The following DLGAP2 variants were observed in gnomAD, a reference collection of about 807,000 sequenced individuals.
The protein encoded by DLGAP2 is disks large-associated protein 2.
Under a neutral mutation model 100.3 loss-of-function variants are expected in DLGAP2, and 26 were observed. The observed-to-expected ratio is 0.26, with a 90% CI of 0.19 to 0.36. DLGAP2 has a LOEUF of 0.36. Ranked by LOEUF, DLGAP2 falls within the 10% of genes least tolerant of loss-of-function variation. The probability of loss-of-function intolerance (pLI) is 1.00; values close to 1 mark genes in which losing one functional copy is unlikely to be tolerated. For synonymous variants in DLGAP2, 886 were observed against 630.1 expected (o/e 1.41, Z -6.08); for missense variants, 1,858 against 1,453.2 (o/e 1.28, Z -4.53).
At chr8:810,504 A>G (rs996610601) in intron 1 of DLGAP2, among the ~76,000 whole-genome samples, 1 of 152,228 alleles carries the variant, frequency 6.6e-6, no homozygotes, top group African/African-American at 2.4e-5. Flanking sequence ...ATTGTTTTCG[A>G]AGTACATTCT....
intron 1 of DLGAP2, among the ~76,000 whole-genome samples, chr8:743,467 T>A (rs1405015987): frequency 6.6e-6 from 1 of 152,264 alleles, no homozygotes; most frequent in African/African-American, 2.4e-5. Context: ...AGAAGTATTT[T>A]TTAATGATTT....
intron 3 of DLGAP2, among the ~76,000 whole-genome samples, chr8:1,309,003 G>T (rs117573632): frequency 6.6e-6 from 1 of 152,056 alleles, no homozygotes; most frequent in Admixed American, 6.6e-5. Context: ...ATTTGAGCAG[G>T]TAGAGGAAAG....
Position 1,258,832 on chromosome 8 carries a change from T to G in DLGAP2, c.74-19T>G. On this transcript the variant is annotated intron_variant, in intron 2 of 14. Coordinates refer to ENST00000637795, the MANE Select transcript of DLGAP2 (RefSeq NM_001346810.2). ...GAGACCCTGTGGGTGTAACAGCTTCTCTCTGTCTCTGTTTTCAGAGTCGCA... is the reference window on the plus strand; with the variant it reads ...GAGACCCTGTGGGTGTAACAGCTTCGCTCTGTCTCTGTTTTCAGAGTCGCA... The G allele has an allele frequency of 8.1e-7, 1 of 1,231,716 alleles. No homozygotes were observed. The highest frequency in any genetic ancestry group is 1.0e-6 in the Non-Finnish European group (1 of 987,952). 76.3% of individuals were successfully genotyped at this position (1,231,716 alleles called of 1,614,324 possible).
intron 1 of DLGAP2, among the ~76,000 whole-genome samples, chr8:843,517 G>A (rs1341763498): frequency 6.6e-6 from 1 of 152,206 alleles, no homozygotes; most frequent in Non-Finnish European, 1.5e-5. Context: ...CCTCTCCTGG[G>A]GTTCCACCGG....
chr8:1,423,920 C>T (rs1797170869), intron 3 of DLGAP2, among the ~76,000 whole-genome samples: 1 of 152,224 alleles, frequency 6.6e-6, no homozygotes. Flanking sequence ...TTCAGAAGAA[C>T]CCAAATGAGG....
chr8:1,549,329 C>T lies in DLGAP2; in HGVS notation c.876C>T (p.Gly292=). ...ERKPEGKPRP[G]MSSWWSSDDN... is the part of the protein sequence containing the mutation. ...AGCCGGAGGGCAAGCCCCGGCCCGG[C>T]ATGAGCAGCTGGTGGAGCTCGGACG... Residue 292 remains glycine (G), a synonymous_variant, in exon 5 of 15, where the codon GGC becomes GGT. Transcript: ENST00000637795. 1 of 1,613,218 alleles carries T rather than the reference C, an allele frequency of 6.2e-7. No individual in the cohort carries two copies. The highest frequency in any genetic ancestry group is 8.5e-7 in the Non-Finnish European group (1 of 1,179,734).
At chr8:1,497,389 C>T (rs966007022) in intron 3 of DLGAP2, among the ~76,000 whole-genome samples, 6 of 152,148 alleles carry the variant, frequency 3.9e-5, no homozygotes, top group East Asian at 1.9e-4. Flanking sequence ...CTTACGGTCA[C>T]GTGATTTCAG....
intron 2 of DLGAP2, among the ~76,000 whole-genome samples, chr8:1,238,769 C>G (rs36020728): frequency 0.12 from 5,630 of 47,414 alleles, 1,193 homozygotes; most frequent in Non-Finnish European, 0.2. Flanking sequence ...GGCGCCGTGT[C>G]TAGTTCTCTC....
intron 3 of DLGAP2, among the ~76,000 whole-genome samples, chr8:1,483,259 G>C (rs1799147419): frequency 6.6e-6 from 1 of 152,222 alleles, no homozygotes; most frequent in Non-Finnish European, 1.5e-5. Context: ...AAGTGACCCA[G>C]CCCAGGCTTT....
chr8:1,051,759 G>A (rs1406668063), intron 2 of DLGAP2, among the ~76,000 whole-genome samples: 3 of 152,120 alleles, frequency 2.0e-5, no homozygotes, highest in East Asian at 1.9e-4. Context: ...AGGCTGGGGG[G>A]CTTCACCTCT....
At chr8:1,039,672 C>CGGTTTCCGTGGTCAGCTT (rs1802256248) in intron 2 of DLGAP2, among the ~76,000 whole-genome samples, 2 of 92,702 alleles carry the variant, frequency 2.2e-5, no homozygotes, top group Non-Finnish European at 4.2e-5. Flanking sequence ...GTGGTCAGCT[C>CGGTTTCCGTGGTCAGCTT]GGTGTGCGTG....
In DLGAP2 at chr8:1,375,164, C is replaced by T. The variant is rs575687940; in HGVS notation, c.106+116281C>T. ...GACCTCAGAACTGATCCCCCACCTC[C>T]TACATTTGGGTTAACGACCCCTCTC... On this transcript the variant is annotated intron_variant, in intron 3 of 14. Coordinates refer to ENST00000637795, the MANE Select transcript of DLGAP2 (RefSeq NM_001346810.2). Among the ~76,000 whole-genome samples the T allele has an allele frequency of 1.3e-3, 141 of 108,296 alleles. 4 individuals carry two copies. The highest frequency in any genetic ancestry group is 5.8e-3 in the African/African-American group (128 of 21,932). 71.0% of individuals were successfully genotyped at this position (108,296 alleles called of 152,430 possible).
intron 2 of DLGAP2, among the ~76,000 whole-genome samples, chr8:918,080 C>T (rs142463725): frequency 9.2e-5 from 14 of 152,232 alleles, no homozygotes; most frequent in East Asian, 1.9e-4. Flanking sequence ...TTGGGAGCTA[C>T]GGGTGTAAAA....
intron 2 of DLGAP2, among the ~76,000 whole-genome samples, chr8:1,083,285 A>G (rs1489256100): frequency 6.6e-6 from 1 of 152,226 alleles, no homozygotes; most frequent in African/African-American, 2.4e-5. Flanking sequence ...GACCAAGGCC[A>G]AGCGTGGGAC....
At chr8:1,700,783 A>T (rs1018041869) in intron 14 of DLGAP2, among the ~76,000 whole-genome samples, 3 of 152,176 alleles carry the variant, frequency 2.0e-5, no homozygotes, top group Non-Finnish European at 4.4e-5. Flanking sequence ...TGCAGTGTTG[A>T]ATAGGGATGT....
chr8:1,272,775 C>T (rs1387084310), intron 3 of DLGAP2, among the ~76,000 whole-genome samples: 2 of 152,128 alleles, frequency 1.3e-5, no homozygotes, highest in Non-Finnish European at 2.9e-5. Flanking sequence ...CATCATGCAA[C>T]AGACGGCTCT....
Position 1,597,650 on chromosome 8 carries a change from C to T in DLGAP2, c.1443-29090C>T, listed in dbSNP as rs181498488. Reference sequence around the variant, plus strand: ...TAGCAATTGTGAATGAGAGTTCACTCATGATTTGGCTCTCTGTTTGTCTGT... The same window carrying T: ...TAGCAATTGTGAATGAGAGTTCACTTATGATTTGGCTCTCTGTTTGTCTGT... On this transcript the variant is annotated intron_variant, in intron 6 of 14. Coordinates refer to ENST00000637795, the MANE Select transcript of DLGAP2 (RefSeq NM_001346810.2). Among the ~76,000 whole-genome samples, 134 of 152,232 alleles carry T rather than the reference C, an allele frequency of 8.8e-4. 2 individuals are homozygous for T. Among genetic ancestry groups the T allele is most frequent in the African/African-American group, 2.5e-3 (105 of 41,532 alleles).
At chr8:830,305 A>G (rs1353741132) in intron 1 of DLGAP2, among the ~76,000 whole-genome samples, 3 of 152,214 alleles carry the variant, frequency 2.0e-5, no homozygotes, top group Non-Finnish European at 4.4e-5. Flanking sequence ...GTTACAAACA[A>G]TCCAATTATA....
intron 4 of DLGAP2, among the ~76,000 whole-genome samples, chr8:1,506,173 A>G (rs1799905937): frequency 6.6e-6 from 1 of 152,042 alleles, no homozygotes; most frequent in Admixed American, 6.5e-5. Context: ...GTCTCATTCT[A>G]ATGTTAATAC....
Sources: allele counts gnomAD v4.1 joint callset (sites outside exome capture counted in the v4.1 genomes callset), GRCh38; gene constraint gnomAD v4.1.1; transcripts MANE v1.5; gene names NCBI Gene and HGNC (gene_info 2026-07-23, HGNC 2026-07-21).